Variants in HEATR1 observed in about 807,000 individuals in gnomAD.
HEATR1 encodes HEAT repeat containing 1.
HEATR1 carries 77 observed loss-of-function variants against 248.2 expected under a neutral mutation model. The ratio of observed to expected loss-of-function variants is 0.31; its 90% CI spans 0.26 to 0.37. The LOEUF is 0.37. Among genes scored for constraint, HEATR1 ranks in the 10% least tolerant of loss-of-function variants. The probability of loss-of-function intolerance (pLI) is 1.00; values close to 1 mark genes in which losing one functional copy is unlikely to be tolerated. For synonymous variants in HEATR1, 897 were observed against 923.1 expected (o/e 0.97, Z 0.51); for missense variants, 2,420 against 2,504.9 (o/e 0.97, Z 0.72).
intron 3 of HEATR1, among the ~76,000 whole-genome samples, chr1:236,602,530 C>T (rs1558194696): frequency 6.6e-6 from 1 of 152,152 alleles, no homozygotes; most frequent in South Asian, 2.1e-4. Flanking sequence ...TGCCTGCTTC[C>T]CCAACCATCT....
chr1:236,576,439 T>C (rs1663563586), intron 21 of HEATR1, 62 bp from the exon 22 acceptor site: 1 of 1,215,716 alleles, frequency 8.2e-7, no homozygotes, highest in Non-Finnish European at 1.1e-6. Context: ...GCTAAATATA[T>C]TAATTACGGA....
At chr1:236,557,656 GTC>G (rs1217816932) in intron 36 of HEATR1, among the ~76,000 whole-genome samples, 1 of 152,186 alleles carries the variant, frequency 6.6e-6, no homozygotes, top group African/African-American at 2.4e-5. Context: ...GGTAGATACT[GTC>G]TCTGTTTTAT....
At chr1:236,567,342 C>T (rs925940444) in intron 29 of HEATR1, among the ~76,000 whole-genome samples, 4 of 152,160 alleles carry the variant, frequency 2.6e-5, no homozygotes, top group East Asian at 1.9e-4. Context: ...ATGTCCCAAG[C>T]GCTACTTAGC....
At chr1:236,574,406 CCT>C (rs779585401) in intron 23 of HEATR1, 73 bp from the exon 24 acceptor site, 8 of 1,481,140 alleles carry the variant, frequency 5.4e-6, no homozygotes, top group Non-Finnish European at 6.4e-6. Context: ...TTTATATCAA[CCT>C]CTCTCAAAAT....
chr1:236,558,402 T>C lies in HEATR1; in HGVS notation c.5039A>G (p.Asn1680Ser), dbSNP rs768268042. Residue 1680 changes from asparagine to serine, a missense_variant, in exon 36 of 45, where the codon AAT (asparagine) becomes AGT (serine). Transcript: ENST00000366582. ...ALYTLKLLCK[N>S]FGAENPDPFV... is the part of the protein sequence containing the mutation. ...AGGATCTGGATTTTCTGCACCAAAATTCTTGCATAAAAGCTTTAAGGTATA... is the reference window on the plus strand; with the variant it reads ...AGGATCTGGATTTTCTGCACCAAAACTCTTGCATAAAAGCTTTAAGGTATA... The C allele has an allele frequency of 7.4e-6, 12 of 1,614,096 alleles. No individual in the cohort carries two copies. Among genetic ancestry groups the C allele is most frequent in the African/African-American group, 4.0e-5 (3 of 74,924 alleles).
intron 20 of HEATR1, 66 bp from the exon 21 acceptor site, chr1:236,577,015 T>C (rs568718106): frequency 7.9e-7 from 1 of 1,273,872 alleles, no homozygotes; most frequent in South Asian, 1.6e-5. Context: ...AAAATTTACA[T>C]AGTACCAAAG....
At chr1:236,586,072 G>A in intron 15 of HEATR1, 131 bp from the exon 16 acceptor site, 1 of 1,317,004 alleles carries the variant, frequency 7.6e-7, no homozygotes, top group Non-Finnish European at 1.0e-6. Context: ...ATCCGATTCT[G>A]AATTTGTCTA....
In HEATR1 at chr1:236,585,347, G is replaced by A. The variant is rs1663857969; in HGVS notation, c.2050-131C>T. The A allele has an allele frequency of 9.2e-6, 6 of 651,774 alleles. No homozygotes were observed. The East Asian group carries it at 1.4e-4, about 16-fold the overall frequency. The allele number at this position is 651,774 out of a possible 1,614,324, so 40.4% of individuals were successfully genotyped here. On this transcript the variant is annotated intron_variant, in intron 16 of 44. Transcript: ENST00000366582. Reference sequence around the variant, plus strand: ...ATGACAAACAGAAAGCCTTTATAAAGTACTAAGCACTGATTTCTAAGTAAT... The same window carrying A: ...ATGACAAACAGAAAGCCTTTATAAAATACTAAGCACTGATTTCTAAGTAAT...
intron 40 of HEATR1, 41 bp downstream of exon 40, chr1:236,555,509 TA>T: frequency 6.2e-7 from 1 of 1,614,050 alleles, no homozygotes; most frequent in Non-Finnish European, 8.5e-7. Flanking sequence ...TCTTGTCACT[TA>T]AATCTGAGCA....
chr1:236,564,462 A>G (rs1663216223), intron 32 of HEATR1, 36 bp downstream of exon 32: 1 of 1,593,228 alleles, frequency 6.3e-7, no homozygotes, highest in Non-Finnish European at 8.6e-7. Context: ...AGACAGCAGA[A>G]TACCTTTTTA....
rs111801280 is a variant in HEATR1 at position 236,556,502 on chromosome 1, C to G, written c.5356-244G>C. ...TAGACGCAGACGCACACACAGCACC[C>G]AGACAGATGATTTTCTTAGAGGACA... On this transcript the variant is annotated intron_variant, in intron 37 of 44. Transcript: ENST00000366582. 1.4e-3 allele frequency among the ~76,000 whole-genome samples: 212 copies of G among 152,328 alleles called. 1 individual carries two copies. Among genetic ancestry groups the G allele is most frequent in the African/African-American group, 4.7e-3 (195 of 41,570 alleles).
At chr1:236,572,284 C>G in intron 26 of HEATR1, 127 bp downstream of exon 26, 2 of 1,093,640 alleles carry the variant, frequency 1.8e-6, no homozygotes, top group Non-Finnish European at 1.3e-6. Context: ...TTAATTTCAC[C>G]TATAGTACTT....
In HEATR1 at chr1:236,584,763, A is replaced by G. The variant is rs562983931; in HGVS notation, c.2241+262T>C. ...GGTGTAGCTTGGGTAATTATCCAAT[A>G]AAGACAATAAAAGAGAGGAGAGTCA... On this transcript the variant is annotated intron_variant, in intron 17 of 44. Transcript: ENST00000366582. Among the ~76,000 whole-genome samples the G allele has an allele frequency of 2.3e-3, 348 of 152,352 alleles. 1 individual carries two copies. The highest frequency in any genetic ancestry group is 3.4e-3 in the Non-Finnish European group (231 of 68,028).
intron 19 of HEATR1, 70 bp downstream of exon 19, chr1:236,582,666 G>A (rs1218106202): frequency 1.9e-6 from 3 of 1,543,968 alleles, no homozygotes; most frequent in Non-Finnish European, 1.8e-6. Flanking sequence ...GCCTCCCAAA[G>A]TGCTGGGATT....
intron 3 of HEATR1, among the ~76,000 whole-genome samples, chr1:236,601,236 C>T (rs1664315490): frequency 1.3e-5 from 2 of 151,390 alleles, no homozygotes; most frequent in Admixed American, 6.6e-5. Context: ...TTAGTTTATC[C>T]CCACGTCTCC....
chr1:236,595,888 A>T lies in HEATR1; in HGVS notation c.901T>A (p.Leu301Ile), dbSNP rs1424370682. The change falls in exon 7 of 45, where the codon TTA becomes ATA. Residue 301 changes from leucine to isoleucine, a missense_variant. Physicochemically the swap from Leu to Ile is conservative, Grantham distance 5. Coordinates refer to ENST00000366582, the MANE Select transcript of HEATR1 (RefSeq NM_018072.6). The part of the protein sequence containing the change: ...TKIPSLIKDG[L>I]SCLIVLLQRQ... ...TGCAGGAGCACTATCAAGCAACTTA[A>T]CCCATCCTTGATCAAAGAGGGAATC... The T allele has an allele frequency of 9.3e-6, 15 of 1,614,046 alleles. No individual in the cohort carries two copies. Among genetic ancestry groups the T allele is most frequent in the Non-Finnish European group, 1.3e-5 (15 of 1,179,938 alleles).
rs537833210 is a variant in HEATR1, at chr1:236,576,519, G to A, written c.2926-142C>T. ...TCTCCTTAAAACCTTAATAAGAAAC[G>A]TTATTAAAAACACACAGCTGGCTTA... On this transcript the variant is annotated intron_variant, in intron 21 of 44. Transcript: ENST00000366582. 48 of 717,684 alleles carry A rather than the reference G, an allele frequency of 6.7e-5. No individual in the cohort carries two copies. The Admixed American group carries it at 9.2e-4, about 14-fold the overall frequency. The allele number at this position is 717,684 out of a possible 1,614,324, so 44.5% of individuals were successfully genotyped here. A position where few individuals can be genotyped will look rare whatever the true frequency, so the allele number is the denominator to read the frequency against.
chr1:236,581,534 T>C (rs1409456891), intron 19 of HEATR1, 120 bp from the exon 20 acceptor site: 2 of 658,786 alleles, frequency 3.0e-6, no homozygotes, highest in African/African-American at 3.7e-5. Context: ...AGTTTTGCTT[T>C]GTCTAATCAT....
intron 24 of HEATR1, 129 bp from the exon 25 acceptor site, chr1:236,572,957 AC>A (rs775966625): frequency 3.2e-4 from 254 of 805,418 alleles, no homozygotes; most frequent in Non-Finnish European, 3.7e-4. Flanking sequence ...ATGCATCTGA[AC>A]CCCCCCCAGC....
Sources: allele counts gnomAD v4.1 joint callset (sites outside exome capture counted in the v4.1 genomes callset), GRCh38; gene constraint gnomAD v4.1.1; transcripts MANE v1.5; gene names NCBI Gene and HGNC (gene_info 2026-07-23, HGNC 2026-07-21).